CDKN2B-AS1: variants seen among roughly 807,000 people sequenced by gnomAD.
The protein encoded by CDKN2B-AS1 is CDKN2B and CDKN2A antisense cis and trans regulatory RNA 1.
chr9:22,045,997 G>A (rs1390379430), intron 1 of CDKN2B-AS1, among the ~76,000 whole-genome samples: 1 of 152,034 alleles, frequency 6.6e-6, no homozygotes, highest in African/African-American at 2.4e-5. Flanking sequence ...AATTTTGTTT[G>A]CACTGGACTT....
At chr9:22,101,533 A>T (rs146854801) in intron 4 of CDKN2B-AS1, among the ~76,000 whole-genome samples, 6 of 152,302 alleles carry the variant, frequency 3.9e-5, no homozygotes, top group Admixed American at 3.9e-4. Flanking sequence ...TAAAATATCT[A>T]TTAAAGCTTT....
intron 1 of CDKN2B-AS1, among the ~76,000 whole-genome samples, chr9:22,019,576 A>G (rs1271558558): frequency 3.3e-5 from 5 of 152,182 alleles, no homozygotes; most frequent in Admixed American, 3.3e-4. Context: ...GAAGATTATG[A>G]GTTCAGGTTC....
intron 4 of CDKN2B-AS1, among the ~76,000 whole-genome samples, chr9:22,117,017 G>A (rs1365609544): frequency 6.6e-6 from 1 of 152,212 alleles, no homozygotes; most frequent in African/African-American, 2.4e-5. Context: ...TTGAAAGAAT[G>A]TAAGGGGAAT....
intron 1 of CDKN2B-AS1, among the ~76,000 whole-genome samples, chr9:22,017,721 C>T (rs1472850200): frequency 2.0e-5 from 3 of 151,506 alleles, no homozygotes; most frequent in Non-Finnish European, 2.9e-5. Context: ...ATGAATTCTG[C>T]CAAGGTATTG....
chr9:22,094,434 G>C lies in CDKN2B-AS1; in HGVS notation n.439-32669G>C, dbSNP rs555622107. ...GTGTTTTCCAACTTGGTTCCATTCTGCCCGTCACTTTCAGGTACTCCAATC... is the reference window on the plus strand; with the variant it reads ...GTGTTTTCCAACTTGGTTCCATTCTCCCCGTCACTTTCAGGTACTCCAATC... On this transcript the variant is annotated intron_variant and non_coding_transcript_variant, in intron 4 of 4. Transcript: ENST00000650946. 1.9e-4 allele frequency among the ~76,000 whole-genome samples: 28 copies of C among 144,376 alleles called. 3 individuals carry two copies. In the South Asian group the frequency reaches 4.0e-3, roughly 21 times the overall value. The allele number at this position is 144,376 out of a possible 152,430, so 94.7% of individuals were successfully genotyped here.
intron 4 of CDKN2B-AS1, among the ~76,000 whole-genome samples, chr9:22,073,309 A>T (rs1303978384): frequency 6.6e-6 from 1 of 152,188 alleles, no homozygotes; most frequent in African/African-American, 2.4e-5. Flanking sequence ...TATTTTCACG[A>T]TTCAAAAAGA....
intron 1 of CDKN2B-AS1, among the ~76,000 whole-genome samples, chr9:22,013,262 C>G (rs557811764): frequency 2.3e-4 from 35 of 152,256 alleles, no homozygotes; most frequent in African/African-American, 7.7e-4. Flanking sequence ...GGGCTTAGGA[C>G]TTTAATATAA....
chr9:22,098,795 C>T (rs1186038159), intron 4 of CDKN2B-AS1, among the ~76,000 whole-genome samples: 1 of 152,148 alleles, frequency 6.6e-6, no homozygotes, highest in Non-Finnish European at 1.5e-5. Context: ...GACTTCAGAT[C>T]CCATGTACTT....
intron 1 of CDKN2B-AS1, among the ~76,000 whole-genome samples, chr9:22,035,840 T>C (rs1822664940): frequency 6.6e-6 from 1 of 152,132 alleles, no homozygotes; most frequent in Non-Finnish European, 1.5e-5. Flanking sequence ...CATGATCACA[T>C]CTGAGGATCC....
In CDKN2B-AS1 at chr9:22,029,506, C is replaced by T. The variant is rs759450353; in HGVS notation, n.30-17245C>T. 6.4e-6 allele frequency: 5 copies of T among 779,428 alleles called. No homozygotes were observed. In the Admixed American group the frequency reaches 6.8e-5, roughly 11 times the overall value. 48.3% of individuals were successfully genotyped at this position (779,428 alleles called of 1,614,324 possible). On this transcript the variant is annotated intron_variant and non_coding_transcript_variant, in intron 1 of 4. Transcript: ENST00000650946. ...TCCATGCTGTGATGATTCCTCAGCT[C>T]CTCTCATCTGATCTCCGTCCTGGCC... is the stretch of plus-strand genomic sequence containing the variant.
chr9:22,105,177 T>C (rs77311571), intron 4 of CDKN2B-AS1, among the ~76,000 whole-genome samples: 182 of 152,290 alleles, frequency 1.2e-3, no homozygotes, highest in African/African-American at 3.9e-3. Context: ...GCTGGGATAT[T>C]GTGGGCTCAT....
At chr9:22,015,619 T>TTTTA (rs997934165) in intron 1 of CDKN2B-AS1, among the ~76,000 whole-genome samples, 1 of 151,976 alleles carries the variant, frequency 6.6e-6, no homozygotes, top group African/African-American at 2.4e-5. Flanking sequence ...CCCCATTTAT[T>TTTTA]TTTATTTATT....
At chr9:22,126,306 C>T (rs909928817) in intron 4 of CDKN2B-AS1, among the ~76,000 whole-genome samples, 2 of 152,054 alleles carry the variant, frequency 1.3e-5, no homozygotes, top group Non-Finnish European at 2.9e-5. Context: ...ATGTGATAGT[C>T]GTTTCCTCTG....
chr9:22,072,231 C>T (rs979826812), intron 4 of CDKN2B-AS1, among the ~76,000 whole-genome samples: 1 of 152,182 alleles, frequency 6.6e-6, no homozygotes, highest in African/African-American at 2.4e-5. Context: ...ATGACATTAT[C>T]ATAGGCACTT....
intron 4 of CDKN2B-AS1, among the ~76,000 whole-genome samples, chr9:22,071,957 A>G (rs950622221): frequency 3.9e-5 from 6 of 152,224 alleles, no homozygotes; most frequent in Non-Finnish European, 8.8e-5. Context: ...CAGAATTACA[A>G]AGAGTTTTAG....
intron 3 of CDKN2B-AS1, chr9:22,049,289 A>G (rs1823236437): frequency 6.6e-6 from 1 of 152,314 alleles, no homozygotes; most frequent in South Asian, 2.1e-4. Context: ...TTGCCAAACA[A>G]CTGTTCCCAA....
At chr9:22,092,672 C>T (rs1262982690) in intron 4 of CDKN2B-AS1, among the ~76,000 whole-genome samples, 2 of 151,920 alleles carry the variant, frequency 1.3e-5, no homozygotes, top group Admixed American at 6.6e-5. Flanking sequence ...TGGTGATATC[C>T]CCTTTTAATT....
chr9:22,068,783 T>G (rs907250204), intron 4 of CDKN2B-AS1, among the ~76,000 whole-genome samples: 1 of 152,230 alleles, frequency 6.6e-6, no homozygotes, highest in African/African-American at 2.4e-5. Flanking sequence ...CAAGCTTGGA[T>G]AGTATCTTCC....
At chr9:22,092,777 C>G (rs1825138451) in intron 4 of CDKN2B-AS1, among the ~76,000 whole-genome samples, 1 of 152,228 alleles carries the variant, frequency 6.6e-6, no homozygotes, top group East Asian at 1.9e-4. Flanking sequence ...AAACCAGCTC[C>G]TGGATTCATT....
Sources: allele counts gnomAD v4.1 joint callset (sites outside exome capture counted in the v4.1 genomes callset), GRCh38; gene constraint gnomAD v4.1.1; transcripts MANE v1.5; gene names NCBI Gene and HGNC (gene_info 2026-07-23, HGNC 2026-07-21).